Variants in CIT observed in about 807,000 individuals in gnomAD.
CIT encodes citron Rho-interacting kinase.
CIT carries 79 observed loss-of-function variants against 272.7 expected under a neutral mutation model. The observed-to-expected ratio is 0.29, with a 90% CI of 0.24 to 0.35. CIT has a LOEUF of 0.35. Ranked by LOEUF, CIT falls within the 10% of genes least tolerant of loss-of-function variation. CIT has a pLI of 1.00. For synonymous variants in CIT, 948 were observed against 995.6 expected, an observed-to-expected ratio of 0.95 and a Z score of 0.90; for missense variants, 1,909 against 2,618.3, an observed-to-expected ratio of 0.73 and a Z score of 5.91.
chr12:119,858,254 C>T lies in CIT; in HGVS notation c.239-556G>A, dbSNP rs564511137. Among the ~76,000 whole-genome samples, 100 of 152,284 alleles carry T rather than the reference C, an allele frequency of 6.6e-4. 1 individual carries two copies. The highest frequency in any genetic ancestry group is 2.1e-3 in the African/African-American group (88 of 41,566). ...AGAGGGGTCCAGGCATGGTGGCTGA[C>T]GCCTGTAATCCCAACACTTTGGGAG... is the stretch of plus-strand genomic sequence containing the variant. On this transcript the variant is annotated intron_variant, in intron 3 of 47. Coordinates refer to ENST00000392521, the MANE Select transcript of CIT (RefSeq NM_001206999.2).
chr12:119,850,023 T>G, intron 5 of CIT, 151 bp downstream of exon 5: 1 of 693,924 alleles, frequency 1.4e-6, no homozygotes, highest in Non-Finnish European at 2.6e-6. Context: ...CTCTTGATCT[T>G]TATAACGAGG....
chr12:119,827,875 G>A (rs985092120), intron 7 of CIT, among the ~76,000 whole-genome samples: 1 of 152,120 alleles, frequency 6.6e-6, no homozygotes, highest in Non-Finnish European at 1.5e-5. Flanking sequence ...ACCTAACTAC[G>A]CAATTGTTGA....
At chr12:119,775,723 G>A (rs2137630053) in intron 16 of CIT, 63 bp downstream of exon 16, 2 of 1,301,222 alleles carry the variant, frequency 1.5e-6, no homozygotes, top group East Asian at 4.6e-5. Flanking sequence ...TCTGGGACAA[G>A]GCAAAGATGT....
intron 4 of CIT, among the ~76,000 whole-genome samples, chr12:119,852,883 A>G (rs1970323688): frequency 6.6e-6 from 1 of 152,002 alleles, no homozygotes; most frequent in African/African-American, 2.4e-5. Context: ...TATTCTATGT[A>G]TATCAGTGTG....
intron 7 of CIT, among the ~76,000 whole-genome samples, chr12:119,825,674 A>G (rs958403264): frequency 2.0e-5 from 3 of 152,246 alleles, no homozygotes; most frequent in Non-Finnish European, 4.4e-5. Context: ...TGTCTTTCCT[A>G]ATACAAGTTA....
At chr12:119,814,441 G>A (rs1379156234) in intron 9 of CIT, among the ~76,000 whole-genome samples, 1 of 151,988 alleles carries the variant, frequency 6.6e-6, no homozygotes, top group Non-Finnish European at 1.5e-5. Context: ...CACGCTCCTG[G>A]TCTAGTAAGT....
At chr12:119,709,824 GTGTGTGTGTGTGTT>G (rs1957072486) in intron 39 of CIT, among the ~76,000 whole-genome samples, 1 of 144,412 alleles carries the variant, frequency 6.9e-6, no homozygotes, top group African/African-American at 2.8e-5. Flanking sequence ...GTGTGTGTGT[GTGTGTGTGTGTGTT>G]AAGAAGACAG....
At chr12:119,777,955 C>A (rs898971786) in intron 13 of CIT, among the ~76,000 whole-genome samples, 1 of 152,120 alleles carries the variant, frequency 6.6e-6, no homozygotes, top group African/African-American at 2.4e-5. Flanking sequence ...TCAGACAGCA[C>A]AAGAGGGTAA....
chr12:119,711,453 G>A (rs1310524290), intron 37 of CIT, among the ~76,000 whole-genome samples: 1 of 152,196 alleles, frequency 6.6e-6, no homozygotes, highest in Non-Finnish European at 1.5e-5. Context: ...CTTATGAAAA[G>A]CCTTCCTGGA....
intron 3 of CIT, among the ~76,000 whole-genome samples, chr12:119,860,912 G>C (rs554859480): frequency 6.6e-6 from 1 of 150,780 alleles, no homozygotes; most frequent in Non-Finnish European, 1.5e-5. Flanking sequence ...CCTGAGGTCA[G>C]GAGCTCAAGA....
At chr12:119,851,808 CG>C (rs1970238664) in intron 4 of CIT, among the ~76,000 whole-genome samples, 1 of 152,140 alleles carries the variant, frequency 6.6e-6, no homozygotes, top group African/African-American at 2.4e-5. Flanking sequence ...AGGCCAAGGC[CG>C]GAAGACTGCT....
chr12:119,793,301 A>G (rs1350945891), intron 10 of CIT, among the ~76,000 whole-genome samples: 1 of 152,152 alleles, frequency 6.6e-6, no homozygotes, highest in Non-Finnish European at 1.5e-5. Flanking sequence ...AGCTAGTCCC[A>G]TGATTTTTAA....
At chr12:119,747,802 C>T (rs891677927) in intron 23 of CIT, among the ~76,000 whole-genome samples, 1 of 152,142 alleles carries the variant, frequency 6.6e-6, no homozygotes, top group Admixed American at 6.5e-5. Context: ...ACTAACATTG[C>T]TTTTGCACCA....
chr12:119,783,682 C>T (rs535850606), intron 12 of CIT: 8 of 441,962 alleles, frequency 1.8e-5, no homozygotes, highest in Admixed American at 3.7e-5. Context: ...TGGTACCAGC[C>T]GTCTACCTGC....
chr12:119,867,636 G>GT (rs1407102434), intron 3 of CIT, among the ~76,000 whole-genome samples: 1 of 152,162 alleles, frequency 6.6e-6, no homozygotes, highest in Non-Finnish European at 1.5e-5. Context: ...ACTGTAAGGT[G>GT]TTTGGTGGCA....
chr12:119,841,644 C>T (rs1030261248), intron 5 of CIT, among the ~76,000 whole-genome samples: 4 of 152,206 alleles, frequency 2.6e-5, no homozygotes, highest in South Asian at 4.1e-4. Flanking sequence ...ACGTTCTGGC[C>T]GAGAAAATGT....
At chr12:119,817,888 A>T (rs1159438449) in intron 9 of CIT, among the ~76,000 whole-genome samples, 1 of 151,988 alleles carries the variant, frequency 6.6e-6, no homozygotes, top group Non-Finnish European at 1.5e-5. Flanking sequence ...CAGCCTGGGC[A>T]AAGATGGCAA....
chr12:119,741,785 C>G (rs278116), intron 24 of CIT, among the ~76,000 whole-genome samples: 39,785 of 152,088 alleles, frequency 0.26, 5,468 homozygotes, highest in Middle Eastern at 0.34. Context: ...TCTTCACTCT[C>G]ATCAAAAATA....
At chr12:119,723,873 G>A (rs1005881284) in intron 28 of CIT, among the ~76,000 whole-genome samples, 3 of 152,164 alleles carry the variant, frequency 2.0e-5, no homozygotes, top group Admixed American at 6.5e-5. Context: ...GTATGGAGAC[G>A]GAAAGATCCC....
Sources: gnomAD v4.1 joint callset for allele counts (sites outside exome capture counted in the v4.1 genomes callset) on GRCh38, gnomAD v4.1.1 for gene constraint, MANE v1.5 for transcripts, NCBI Gene and HGNC (gene_info 2026-07-23, HGNC 2026-07-21) for gene names.